CALML4: variants seen among roughly 807,000 people sequenced by gnomAD.
CALML4 encodes the protein calmodulin-like protein 4.
A neutral mutation model predicts 17.9 loss-of-function variants in CALML4; 16 were observed. The ratio of observed to expected loss-of-function variants is 0.89; its 90% CI spans 0.61 to 1.36. CALML4 has a LOEUF of 1.36. Ranked by LOEUF, CALML4 falls within the 40% of genes most tolerant of loss-of-function variation. The pLI is 0.00. For missense variants in CALML4, 203 were observed against 194.8 expected, an observed-to-expected ratio of 1.04 and a Z score of -0.25; for synonymous variants, 86 against 71.5, an observed-to-expected ratio of 1.20 and a Z score of -1.02.
At chr15:68,195,573 C>CTCACT (rs2093140763) in intron 4 of CALML4, among the ~76,000 whole-genome samples, 1 of 152,178 alleles carries the variant, frequency 6.6e-6, no homozygotes, top group East Asian at 1.9e-4. Context: ...TTCACTCCAT[C>CTCACT]TCACTTCAAA....
chr15:68,199,200 A>G (rs1321738623), intron 3 of CALML4, among the ~76,000 whole-genome samples: 1 of 151,990 alleles, frequency 6.6e-6, no homozygotes, highest in Non-Finnish European at 1.5e-5. Context: ...TGCCTACTTC[A>G]TAGGGTTTTT....
Position 68,204,137 on chromosome 15 carries a change from G to A in CALML4, c.34+984C>T, listed in dbSNP as rs2093174371. ...GAGTTCCAGGGTTCTACGTGGAGGT[G>A]CCCACCTGGAGCTCACAATTCCTGC... On this transcript the variant is annotated intron_variant, in intron 2 of 4. Coordinates refer to ENST00000467889, the MANE Select transcript of CALML4 (RefSeq NM_033429.3). This position sits in a 1 kb window ranked among gnomAD's most constrained non-coding sequence, Gnocchi z 6.0. Among the ~76,000 whole-genome samples the A allele has an allele frequency of 1.3e-5, 2 of 152,210 alleles. No individual in the cohort carries two copies. The highest frequency in any genetic ancestry group is 4.2e-4 in the South Asian group (2 of 4,814).
chr15:68,199,022 CGTG>C (rs1381323669), intron 3 of CALML4, among the ~76,000 whole-genome samples: 5 of 151,956 alleles, frequency 3.3e-5, no homozygotes, highest in Non-Finnish European at 7.4e-5. Context: ...ATTAGCTAGG[CGTG>C]GTGGCAGGCA....
rs765739625 is a variant in CALML4 at position 68,205,092 on chromosome 15, T to C, written c.34+29A>G. ...CTAATGAGACCCATATTTTGCTGAG[T>C]TGCTAATCAAAGAACAAACCCAACC... On this transcript the variant is annotated intron_variant, in intron 2 of 4. Transcript: ENST00000467889. The surrounding 1 kb of genome is among the most constrained non-coding windows in gnomAD (Gnocchi z 4.8). The C allele has an allele frequency of 3.1e-6, 5 of 1,612,762 alleles. No individual in the cohort carries two copies. The highest frequency in any genetic ancestry group is 1.7e-5 in the Admixed American group (1 of 59,924).
chr15:68,194,724 C>T (rs1177566602), intron 4 of CALML4, among the ~76,000 whole-genome samples: 2 of 151,920 alleles, frequency 1.3e-5, no homozygotes, highest in African/African-American at 4.8e-5. Context: ...GAAAATATGA[C>T]CCCTGTGCCC....
rs1173202281 is a variant in CALML4, at chr15:68,205,121, C to T, written c.34G>A (p.Glu12Lys). Reference protein sequence around the residue: ...AKFLSQDQINEYKECFSLYDK... With the variant: ...AKFLSQDQINKYKECFSLYDK... ...TAATCAAAGAACAAACCCAACCTAC[C>T]ATTAATTTGGTCTTGGGAAAGAAAC... Residue 12 changes from glutamate to lysine, a missense_variant and splice_region_variant, in exon 2 of 5, where the codon GAG (glutamate) becomes AAG (lysine). By Grantham distance (56) the Glu-to-Lys change is moderately conservative. Coordinates refer to ENST00000467889, the MANE Select transcript of CALML4 (RefSeq NM_033429.3). This position sits in a 1 kb window ranked among gnomAD's most constrained non-coding sequence, Gnocchi z 4.8. The T allele has an allele frequency of 6.2e-7, 1 of 1,614,012 alleles. No individual in the cohort carries two copies. The highest frequency in any genetic ancestry group is 1.7e-5 in the Admixed American group (1 of 60,016).
At position 68,200,227 on chromosome 15, in the gene CALML4, CAG is replaced by C. The variant is rs2093161106; in HGVS notation, c.35-548_35-547del. 6.6e-6 allele frequency among the ~76,000 whole-genome samples: 1 copy of C among 152,224 alleles called. No homozygotes were observed. The highest frequency in any genetic ancestry group is 2.4e-5 in the African/African-American group (1 of 41,452). ...GAGCCAGAAATCCCAGGAGGCCTGC[CAG>C]AGAGTGGCCTTCATATGATGATATT... On this transcript the variant is annotated intron_variant, in intron 2 of 4. Coordinates refer to ENST00000467889, the MANE Select transcript of CALML4 (RefSeq NM_033429.3). The surrounding 1 kb of genome is among the most constrained non-coding windows in gnomAD (Gnocchi z 4.3).
intron 2 of CALML4, among the ~76,000 whole-genome samples, chr15:68,203,357 G>A (rs1018709508): frequency 6.6e-6 from 1 of 152,192 alleles, no homozygotes; most frequent in Non-Finnish European, 1.5e-5. Context: ...TCCAATGAAT[G>A]AATGGTCATT....
chr15:68,194,971 T>TGAGA (rs2093137484), intron 4 of CALML4, among the ~76,000 whole-genome samples: 1 of 149,320 alleles, frequency 6.7e-6, no homozygotes. Context: ...GGGGTTTATA[T>TGAGA]GAGAGAAAAA....
intron 2 of CALML4, 74 bp from the exon 3 acceptor site, chr15:68,199,755 C>G: frequency 6.7e-7 from 1 of 1,490,660 alleles, no homozygotes; most frequent in Non-Finnish European, 9.1e-7. Context: ...CATCCTTAGT[C>G]TCTTCTCCCT....
chr15:68,199,726 C>T (rs1303684761), intron 2 of CALML4, 45 bp from the exon 3 acceptor site: 2 of 1,573,306 alleles, frequency 1.3e-6, no homozygotes, highest in Non-Finnish European at 1.7e-6. Flanking sequence ...TGGTCACTCT[C>T]CGCCCATGCC....
chr15:68,203,811 A>G (rs1415572598), intron 2 of CALML4, among the ~76,000 whole-genome samples: 1 of 152,152 alleles, frequency 6.6e-6, no homozygotes, highest in East Asian at 1.9e-4. Context: ...CCACTTCGCT[A>G]GGCCACCCCA....
rs1488444446 is a variant in CALML4, at chr15:68,205,200, C to T, written c.3+45G>A. The T allele has an allele frequency of 2.5e-6, 4 of 1,614,192 alleles. No individual in the cohort carries two copies. The highest frequency in any genetic ancestry group is 3.4e-6 in the Non-Finnish European group (4 of 1,180,030). ...TCAGGGGAGGGCTCCACCTGAGGTT[C>T]ACGCCCCCAGCCCTGGCCAGGCCGA... On this transcript the variant is annotated intron_variant, in intron 1 of 4. Coordinates refer to ENST00000467889, the MANE Select transcript of CALML4 (RefSeq NM_033429.3). The surrounding 1 kb of genome is among the most constrained non-coding windows in gnomAD (Gnocchi z 4.8).
In CALML4 at chr15:68,197,336, A is replaced by G; in HGVS notation, c.364+104T>C. The G allele has an allele frequency of 9.2e-7, 1 of 1,088,880 alleles. No individual in the cohort carries two copies. The highest frequency in any genetic ancestry group is 1.3e-6 in the Non-Finnish European group (1 of 746,474). 67.5% of individuals were successfully genotyped at this position (1,088,880 alleles called of 1,614,324 possible). On this transcript the variant is annotated intron_variant, in intron 4 of 4. Transcript: ENST00000467889. The surrounding 1 kb of genome is among the most constrained non-coding windows in gnomAD (Gnocchi z 4.1). ...CACAGTCTCCTGCGCGCGCATCAAC[A>G]GAGGTGGTCTGTACCACCCTGGTGG... is the stretch of plus-strand genomic sequence containing the variant.
Position 68,202,807 on chromosome 15 carries a change from CT to C in CALML4, c.34+2313del, listed in dbSNP as rs35057668. On this transcript the variant is annotated intron_variant, in intron 2 of 4. Coordinates refer to ENST00000467889, the MANE Select transcript of CALML4 (RefSeq NM_033429.3). The stretch of plus-strand genomic sequence containing the variant: ...TATAGGCATGTGCCACCATGACCGG[CT>C]TTTTTTTTTTTTTTTTTTTTTTTGA... Among the ~76,000 whole-genome samples, 933 of 95,024 alleles carry C rather than the reference CT, an allele frequency of 9.8e-3. 1 individual carries two copies. The highest frequency in any genetic ancestry group is 0.015 in the Non-Finnish European group (745 of 50,352). 62.3% of individuals were successfully genotyped at this position (95,024 alleles called of 152,430 possible).
intron 4 of CALML4, among the ~76,000 whole-genome samples, chr15:68,196,744 C>T (rs2093146156): frequency 6.6e-6 from 1 of 152,122 alleles, no homozygotes; most frequent in Non-Finnish European, 1.5e-5. Context: ...CTAGAAGACC[C>T]CAGGCCTCGT....
At chr15:68,195,381 G>T (rs1188072035) in intron 4 of CALML4, among the ~76,000 whole-genome samples, 2 of 152,190 alleles carry the variant, frequency 1.3e-5, no homozygotes, top group Non-Finnish European at 2.9e-5. Flanking sequence ...GGAGAATGTT[G>T]AGGACAGTAT....
intron 4 of CALML4, among the ~76,000 whole-genome samples, chr15:68,194,860 G>A (rs1177598293): frequency 6.6e-6 from 1 of 151,362 alleles, no homozygotes; most frequent in African/African-American, 2.4e-5. Flanking sequence ...CCCCTAAGCC[G>A]GTGCTCCTCA....
chr15:68,194,769 C>T (rs1170072267), intron 4 of CALML4, among the ~76,000 whole-genome samples: 1 of 151,902 alleles, frequency 6.6e-6, no homozygotes, highest in East Asian at 1.9e-4. Flanking sequence ...GAGTTTTTAC[C>T]TTCCGCAGCT....
Sources: gnomAD v4.1 joint callset for allele counts (sites outside exome capture counted in the v4.1 genomes callset) on GRCh38, gnomAD v4.1.1 for gene constraint, Gnocchi (gnomAD v3.1) non-coding constraint, MANE v1.5 for transcripts, NCBI Gene and HGNC (gene_info 2026-07-23, HGNC 2026-07-21) for gene names.